TPRG1: variants seen among roughly 807,000 people sequenced by gnomAD.
TPRG1 encodes the protein tumor protein p63-regulated gene 1 protein.
TPRG1 carries 29 observed loss-of-function variants against 29.3 expected under a neutral mutation model. The observed-to-expected ratio is 0.99, with a 90% CI of 0.74 to 1.35. TPRG1 has a LOEUF of 1.35. Among genes scored for constraint, TPRG1 ranks in the 40% most tolerant of loss-of-function variants. The pLI, the probability that TPRG1 is intolerant of heterozygous loss-of-function variation, is 0.00. For missense variants in TPRG1, 327 were observed against 335.0 expected, an observed-to-expected ratio of 0.98 and a Z score of 0.19; for synonymous variants, 130 against 116.8, an observed-to-expected ratio of 1.11 and a Z score of -0.73.
intron 4 of TPRG1, among the ~76,000 whole-genome samples, chr3:189,276,228 G>A (rs146621494): frequency 1.6e-4 from 24 of 152,316 alleles, no homozygotes; most frequent in African/African-American, 5.1e-4. Context: ...TGGCTGTGAA[G>A]ATGAAGAGGT....
intron 3 of TPRG1, among the ~76,000 whole-genome samples, chr3:189,237,067 A>G (rs913081118): frequency 2.0e-5 from 3 of 152,186 alleles, no homozygotes; most frequent in African/African-American, 7.2e-5. Context: ...GGGCCATAGA[A>G]AGGTTAAAAG....
At chr3:189,061,572 A>T (rs1263267615) in intron 4 of TPRG1, among the ~76,000 whole-genome samples, 1 of 152,228 alleles carries the variant, frequency 6.6e-6, no homozygotes, top group Admixed American at 6.5e-5. Context: ...CAGCAGCTAT[A>T]GGGAACTTAA....
intron 3 of TPRG1, chr3:189,219,819 C>T: frequency 5.3e-6 from 5 of 935,474 alleles, no homozygotes; most frequent in Non-Finnish European, 6.4e-6. Context: ...TATTTAAAAA[C>T]CGGTAATTCT....
intron 2 of TPRG1, among the ~76,000 whole-genome samples, chr3:189,130,116 G>A (rs922411049): frequency 6.6e-6 from 1 of 152,168 alleles, no homozygotes; most frequent in Non-Finnish European, 1.5e-5. Context: ...GAGTAATATA[G>A]AATATCCTCA....
At chr3:189,222,086 C>G (rs10937384) in intron 3 of TPRG1, among the ~76,000 whole-genome samples, 42,233 of 151,848 alleles carry the variant, frequency 0.28, 6,258 homozygotes, top group South Asian at 0.41. Flanking sequence ...GGAATAGGAT[C>G]AGGGGTTCAT....
intron 4 of TPRG1, among the ~76,000 whole-genome samples, chr3:189,024,410 C>T (rs1295185415): frequency 6.6e-6 from 1 of 151,888 alleles, no homozygotes; most frequent in Admixed American, 6.6e-5. Flanking sequence ...TCTCCCAGGG[C>T]ACTCTATCCC....
intron 3 of TPRG1, among the ~76,000 whole-genome samples, chr3:189,005,352 G>A (rs1712233895): frequency 6.6e-6 from 1 of 152,116 alleles, no homozygotes; most frequent in African/African-American, 2.4e-5. Flanking sequence ...TAGTGGAACA[G>A]ATGAGAGGTG....
intron 4 of TPRG1, among the ~76,000 whole-genome samples, chr3:189,087,008 T>C (rs1250745483): frequency 6.6e-6 from 1 of 152,236 alleles, no homozygotes; most frequent in Non-Finnish European, 1.5e-5. Flanking sequence ...TTATAATCCT[T>C]TGGGTATATA....
chr3:189,132,717 G>A (rs574634911), intron 3 of TPRG1: 2 of 152,308 alleles, frequency 1.3e-5, no homozygotes, highest in South Asian at 2.1e-4. Flanking sequence ...TTTTCCTAGC[G>A]TTTGTCTGGA....
intron 1 of TPRG1, among the ~76,000 whole-genome samples, chr3:189,188,960 CA>C (rs1731316438): frequency 6.6e-6 from 1 of 152,166 alleles, no homozygotes; most frequent in South Asian, 2.1e-4. Context: ...TTCTGAAGGC[CA>C]AACTTTAATA....
At chr3:189,098,896 C>T (rs1560443067), upstream of TPRG1, among the ~76,000 whole-genome samples, 1 of 152,154 alleles carries the variant, frequency 6.6e-6, no homozygotes, top group Non-Finnish European at 1.5e-5. Flanking sequence ...GAACCCTTGT[C>T]ACCCTGCAGT....
chr3:189,098,646 A>C (rs73053433), upstream of TPRG1, among the ~76,000 whole-genome samples: 2,591 of 152,150 alleles, frequency 0.017, 71 homozygotes, highest in African/African-American at 0.059. Flanking sequence ...TCTCTTTACC[A>C]AGCTGGATGA....
At chr3:189,056,679 G>A (rs905453041) in intron 4 of TPRG1, among the ~76,000 whole-genome samples, 1 of 152,136 alleles carries the variant, frequency 6.6e-6, no homozygotes, top group African/African-American at 2.4e-5. Context: ...GCCTAGTATA[G>A]GTTTTTGAAC....
At position 189,074,905 on chromosome 3, in the gene TPRG1, G is replaced by C. The variant is rs555048554; in HGVS notation, c.-463+50959G>C. Among the ~76,000 whole-genome samples the C allele has an allele frequency of 7.9e-4, 120 of 151,458 alleles. 2 individuals carry two copies. In the South Asian group the frequency reaches 0.024, roughly 31 times the overall value. On this transcript the variant is annotated intron_variant, in intron 4 of 10. Coordinates refer to the TPRG1 transcript ENST00000433971. ...CCGCTCACTGCAAGCTCCGCCTCCC[G>C]GGTTCCCGCCATTCTCCTGCCTCAG...
intron 4 of TPRG1, among the ~76,000 whole-genome samples, chr3:189,072,507 C>G (rs1005713517): frequency 6.6e-6 from 1 of 151,950 alleles, no homozygotes; most frequent in Admixed American, 6.6e-5. Flanking sequence ...GGCTAGTGTA[C>G]TCCACAGGTG....
intron 5 of TPRG1, among the ~76,000 whole-genome samples, chr3:189,156,869 T>A (rs1726759695): frequency 6.6e-6 from 1 of 152,236 alleles, no homozygotes; most frequent in East Asian, 1.9e-4. Context: ...AGCTGCATTA[T>A]CTGGAGGCTT....
intron 3 of TPRG1, among the ~76,000 whole-genome samples, chr3:189,226,327 G>A (rs1737714597): frequency 6.6e-6 from 1 of 152,146 alleles, no homozygotes; most frequent in African/African-American, 2.4e-5. Context: ...TACAGAGTAT[G>A]TTCTCTGACT....
At chr3:189,173,183 C>T (rs1208125464) in intron 1 of TPRG1, among the ~76,000 whole-genome samples, 1 of 151,556 alleles carries the variant, frequency 6.6e-6, no homozygotes, top group Non-Finnish European at 1.5e-5. Context: ...AATGTTTCCT[C>T]TGTGTGTGTG....
At chr3:189,125,153 T>G (rs1722304119) in intron 1 of TPRG1, among the ~76,000 whole-genome samples, 1 of 152,240 alleles carries the variant, frequency 6.6e-6, no homozygotes, top group African/African-American at 2.4e-5. Context: ...GTTTTCTTAT[T>G]GTTTTTAATG....
Sources: gnomAD v4.1 joint callset for allele counts (sites outside exome capture counted in the v4.1 genomes callset) on GRCh38, gnomAD v4.1.1 for gene constraint, MANE v1.5 for transcripts, NCBI Gene and HGNC (gene_info 2026-07-23, HGNC 2026-07-21) for gene names.